AK5: variants seen among roughly 807,000 people sequenced by gnomAD.
AK5 encodes adenylate kinase 5.
AK5 carries 27 observed loss-of-function variants against 69.5 expected under a neutral mutation model. The ratio of observed to expected loss-of-function variants is 0.39; its 90% CI spans 0.29 to 0.54. The LOEUF is 0.54. AK5 is among the 20% of genes least tolerant of loss of function. AK5 has a pLI of 0.71. For missense variants in AK5, 531 were observed against 700.4 expected (o/e 0.76, Z 2.73); for synonymous variants, 260 against 244.4 (o/e 1.06, Z -0.60).
rs751573632 is a variant in AK5 at position 77,297,703 on chromosome 1, T to C, written c.560T>C (p.Ile187Thr). Residue 187 changes from isoleucine (I) to threonine (T), a missense_variant, in exon 4 of 14, where the codon ATT becomes ACT. Coordinates refer to ENST00000354567, the MANE Select transcript of AK5 (RefSeq NM_174858.3). ...NRKWSLIAKIITTGELAPQET... is the reference protein window; with the variant it reads ...NRKWSLIAKITTTGELAPQET... ...AAATGGAGTCTTATTGCCAAGATAA[T>C]TACAACTGGAGAATTGGCCCCACAG... The C allele has an allele frequency of 6.2e-7, 1 of 1,612,924 alleles. No individual in the cohort carries two copies. Among genetic ancestry groups the C allele is most frequent in the East Asian group, 2.2e-5 (1 of 44,840 alleles).
chr1:77,282,447 GC>G, intron 1 of AK5, 74 bp downstream of exon 1: 2 of 1,494,026 alleles, frequency 1.3e-6, no homozygotes, highest in East Asian at 2.6e-5. Flanking sequence ...AGGCAGCCGC[GC>G]CCCGTCCCAC....
In AK5 at chr1:77,451,738, A is replaced by G. The variant is rs1653172542; in HGVS notation, c.1060-31579A>G. Among the ~76,000 whole-genome samples the G allele has an allele frequency of 2.0e-5, 3 of 152,110 alleles. No homozygotes were observed. The South Asian group carries it at 6.2e-4, about 32-fold the overall frequency. ...CCAAATCATTCTCTTCCTCTCAACCATGCTTTTGTATATTCTATATTCTGT... is the reference window on the plus strand; with the variant it reads ...CCAAATCATTCTCTTCCTCTCAACCGTGCTTTTGTATATTCTATATTCTGT... On this transcript the variant is annotated intron_variant, in intron 8 of 13. Coordinates refer to ENST00000354567, the MANE Select transcript of AK5 (RefSeq NM_174858.3).
chr1:77,373,742 A>G (rs2100483171), intron 6 of AK5, among the ~76,000 whole-genome samples: 1 of 152,176 alleles, frequency 6.6e-6, no homozygotes, highest in Admixed American at 6.5e-5. Context: ...GAAAAAAAAA[A>G]AACAAAAAAC....
At chr1:77,356,192 C>G (rs1662517844) in intron 6 of AK5, among the ~76,000 whole-genome samples, 1 of 152,108 alleles carries the variant, frequency 6.6e-6, no homozygotes, top group Non-Finnish European at 1.5e-5. Flanking sequence ...ATGCAAATTT[C>G]AGAAATAATG....
At chr1:77,508,866 C>CA (rs11380102) in intron 10 of AK5, among the ~76,000 whole-genome samples, 60,421 of 133,682 alleles carry the variant, frequency 0.45, 13,020 homozygotes, top group East Asian at 0.65. Flanking sequence ...GACTCCATCT[C>CA]AAAAAAAAAA....
intron 2 of AK5, among the ~76,000 whole-genome samples, chr1:77,291,336 A>G (rs1658674025): frequency 6.6e-6 from 1 of 151,972 alleles, no homozygotes; most frequent in African/African-American, 2.4e-5. Flanking sequence ...CCCTGCTGCC[A>G]CTCTAGCCTA....
At chr1:77,437,505 A>G (rs1387464436) in intron 8 of AK5, among the ~76,000 whole-genome samples, 2 of 152,150 alleles carry the variant, frequency 1.3e-5, no homozygotes, top group Non-Finnish European at 2.9e-5. Context: ...TTGCCCTGAT[A>G]GGTGATCTTA....
At chr1:77,454,354 A>G (rs1425962906) in intron 8 of AK5, among the ~76,000 whole-genome samples, 2 of 152,056 alleles carry the variant, frequency 1.3e-5, no homozygotes, top group African/African-American at 4.8e-5. Flanking sequence ...GTATTACTCC[A>G]TCCACCCCAG....
chr1:77,488,006 A>G (rs1360048237), intron 10 of AK5, among the ~76,000 whole-genome samples: 3 of 152,224 alleles, frequency 2.0e-5, no homozygotes, highest in Admixed American at 1.3e-4. Flanking sequence ...TTAGGTGATT[A>G]CTTTAGAGAG....
At chr1:77,408,804 G>T (rs1649831868) in intron 6 of AK5, among the ~76,000 whole-genome samples, 1 of 151,840 alleles carries the variant, frequency 6.6e-6, no homozygotes, top group African/African-American at 2.4e-5. Context: ...GTAAAGGTTT[G>T]TTACATAGGT....
chr1:77,344,768 T>C (rs1661827523), intron 6 of AK5, among the ~76,000 whole-genome samples: 1 of 152,208 alleles, frequency 6.6e-6, no homozygotes, highest in African/African-American at 2.4e-5. Flanking sequence ...TTATTGTACA[T>C]GAATAAGTTC....
intron 13 of AK5, among the ~76,000 whole-genome samples, chr1:77,542,081 C>T (rs1355744296): frequency 6.6e-6 from 1 of 152,142 alleles, no homozygotes; most frequent in African/African-American, 2.4e-5. Context: ...GTAATCCCAG[C>T]CCTTTGGGAG....
intron 6 of AK5, among the ~76,000 whole-genome samples, chr1:77,399,431 A>T (rs912743284): frequency 7.9e-5 from 12 of 152,234 alleles, no homozygotes; most frequent in Middle Eastern, 3.4e-3. Flanking sequence ...TCTGGCTTTG[A>T]ATCGACTGTC....
intron 8 of AK5, among the ~76,000 whole-genome samples, chr1:77,418,582 TATATTTTA>T (rs946477579): frequency 4.1e-4 from 62 of 152,356 alleles, no homozygotes; most frequent in African/African-American, 1.4e-3. Context: ...TCTCTGCTGC[TATATTTTA>T]ATGAACCAAA....
intron 13 of AK5, among the ~76,000 whole-genome samples, chr1:77,538,593 T>A (rs1419032928): frequency 6.6e-6 from 1 of 151,128 alleles, no homozygotes; most frequent in African/African-American, 2.4e-5. Context: ...GAGGTTGCAG[T>A]GAGCTGAAAT....
At chr1:77,530,909 C>G (rs531903125) in intron 12 of AK5, among the ~76,000 whole-genome samples, 67 of 152,246 alleles carry the variant, frequency 4.4e-4, no homozygotes, top group African/African-American at 1.5e-3. Context: ...TCCCGCTCCA[C>G]TTGCTGGAAT....
intron 6 of AK5, among the ~76,000 whole-genome samples, chr1:77,401,134 A>G (rs1217355164): frequency 6.6e-6 from 1 of 152,132 alleles, no homozygotes; most frequent in Non-Finnish European, 1.5e-5. Context: ...TGGTTCTGCA[A>G]AGTAGTCTCA....
chr1:77,352,149 C>G (rs149865272), intron 6 of AK5, among the ~76,000 whole-genome samples: 9,179 of 151,782 alleles, frequency 0.06, 431 homozygotes, highest in East Asian at 0.21. Context: ...AGGGTGGTCT[C>G]GAACTCCTGA....
intron 8 of AK5, among the ~76,000 whole-genome samples, chr1:77,455,487 A>G (rs1653421848): frequency 6.6e-6 from 1 of 152,162 alleles, no homozygotes; most frequent in Non-Finnish European, 1.5e-5. Context: ...ATTCCTCAAT[A>G]TAAGTTTTGA....
Sources: gnomAD v4.1 joint callset for allele counts (sites outside exome capture counted in the v4.1 genomes callset) on GRCh38, gnomAD v4.1.1 for gene constraint, MANE v1.5 for transcripts, NCBI Gene and HGNC (gene_info 2026-07-23, HGNC 2026-07-21) for gene names.